Variants in RGS21 observed in about 807,000 individuals in gnomAD.
RGS21 encodes the protein regulator of G protein signaling 21.
A neutral mutation model predicts 18.7 loss-of-function variants in RGS21; 19 were observed. That is an observed-to-expected ratio of 1.01 (90% CI 0.71 to 1.49). The LOEUF is 1.49. RGS21 is among the 40% of genes most tolerant of loss of function. RGS21 has a pLI of 0.00. For missense variants in RGS21, 194 were observed against 176.8 expected (o/e 1.10, Z -0.55); for synonymous variants, 56 against 57.8 (o/e 0.97, Z 0.14).
At chr1:192,364,756 A>G (rs918837955) in intron 4 of RGS21, among the ~76,000 whole-genome samples, 1 of 152,138 alleles carries the variant, frequency 6.6e-6, no homozygotes, top group African/African-American at 2.4e-5. Context: ...TGTGGTAGGT[A>G]TTCTGCTAAG....
chr1:192,342,924 G>A (rs1658892261), intron 1 of RGS21, 53 bp from the exon 2 acceptor site: 1 of 1,011,784 alleles, frequency 9.9e-7, no homozygotes, highest in East Asian at 2.4e-5. Context: ...GTAACCCAGG[G>A]GATAGGTATT....
intron 2 of RGS21, among the ~76,000 whole-genome samples, chr1:192,347,055 C>T (rs1434672232): frequency 2.6e-5 from 4 of 152,024 alleles, no homozygotes; most frequent in Non-Finnish European, 5.9e-5. Context: ...TCTTTTATGC[C>T]TTTATTAGAA....
rs985211601 is a variant in RGS21, at chr1:192,332,295, G to A, written c.-60-10682G>A. Among the ~76,000 whole-genome samples the A allele has an allele frequency of 1.5e-4, 23 of 152,216 alleles. No homozygotes were observed. The South Asian group carries it at 4.4e-3, about 29-fold the overall frequency. On this transcript the variant is annotated intron_variant, in intron 1 of 4. Coordinates refer to ENST00000417209, the MANE Select transcript of RGS21 (RefSeq NM_001039152.3). ...AAGAAATGAGAATTATATGGGATCAGTAATCAGTAAGATTGGATAGAAAAA... is the reference window on the plus strand; with the variant it reads ...AAGAAATGAGAATTATATGGGATCAATAATCAGTAAGATTGGATAGAAAAA...
At chr1:192,320,051 A>G (rs187270424) in intron 1 of RGS21, among the ~76,000 whole-genome samples, 14 of 152,108 alleles carry the variant, frequency 9.2e-5, no homozygotes, top group Admixed American at 3.3e-4. Context: ...TCACACAGCA[A>G]TACAGATAGA....
intron 4 of RGS21, among the ~76,000 whole-genome samples, chr1:192,356,937 C>T (rs988789911): frequency 2.2e-4 from 34 of 151,658 alleles, no homozygotes; most frequent in Non-Finnish European, 4.6e-4. Flanking sequence ...TACTTGAATA[C>T]TTACTATCTG....
At chr1:192,322,680 T>G (rs937317887) in intron 1 of RGS21, among the ~76,000 whole-genome samples, 1 of 151,996 alleles carries the variant, frequency 6.6e-6, no homozygotes, top group Non-Finnish European at 1.5e-5. Flanking sequence ...AGCACACCAC[T>G]CAAACAACTC....
At chr1:192,342,872 AT>A in intron 1 of RGS21, 104 bp from the exon 2 acceptor site, 4 of 600,342 alleles carry the variant, frequency 6.7e-6, no homozygotes, top group Non-Finnish European at 1.2e-5. Context: ...AATAACAAAA[AT>A]AAAAAAGCTG....
chr1:192,318,838 T>G (rs1310808135), intron 1 of RGS21, among the ~76,000 whole-genome samples: 1 of 152,102 alleles, frequency 6.6e-6, no homozygotes, highest in East Asian at 1.9e-4. Flanking sequence ...GCTGGTAATT[T>G]TTACTTAGAT....
At chr1:192,339,683 G>A (rs12128724) in intron 1 of RGS21, among the ~76,000 whole-genome samples, 19,402 of 151,808 alleles carry the variant, frequency 0.13, 1,654 homozygotes, top group South Asian at 0.24. Flanking sequence ...TTGTTCTCTC[G>A]TGTTTGGACC....
intron 3 of RGS21, among the ~76,000 whole-genome samples, chr1:192,349,532 C>T (rs147567474): frequency 1.1e-3 from 167 of 152,278 alleles, no homozygotes; most frequent in African/African-American, 3.8e-3. Flanking sequence ...AACCAGTAAG[C>T]ATTCCATTCT....
chr1:192,364,784 A>C (rs980056505), intron 4 of RGS21, among the ~76,000 whole-genome samples: 2 of 152,218 alleles, frequency 1.3e-5, no homozygotes, highest in African/African-American at 2.4e-5. Context: ...AAATAGAATG[A>C]TGAATAAGAC....
At chr1:192,320,514 G>A (rs373858567) in intron 1 of RGS21, among the ~76,000 whole-genome samples, 6 of 145,532 alleles carry the variant, frequency 4.1e-5, no homozygotes, top group African/African-American at 1.6e-4. Flanking sequence ...GTATGTGTAT[G>A]TGTATGTGTA....
chr1:192,320,526 ATGTATGTGTATG>A lies in RGS21; in HGVS notation c.-61+3455_-61+3466del, dbSNP rs57903620. 1.1e-3 allele frequency among the ~76,000 whole-genome samples: 159 copies of A among 147,572 alleles called. 2 individuals are homozygous for A. The East Asian group carries it at 0.025, about 23-fold the overall frequency. On this transcript the variant is annotated intron_variant, in intron 1 of 4. Coordinates refer to ENST00000417209, the MANE Select transcript of RGS21 (RefSeq NM_001039152.3). Reference sequence around the variant, plus strand: ...TGTGTATGTGTATGTGTATGTGTATATGTATGTGTATGTGTATGTGTATGTGTATGTGTATGT... The same window carrying A: ...TGTGTATGTGTATGTGTATGTGTATATGTATGTGTATGTGTATGTGTATGT...
chr1:192,347,273 T>C (rs763248215), intron 2 of RGS21, 40 bp from the exon 3 acceptor site: 4 of 1,217,582 alleles, frequency 3.3e-6, no homozygotes, highest in Non-Finnish European at 4.9e-6. Context: ...TTACTATTGG[T>C]TAAAGAAGAA....
chr1:192,339,887 CT>C (rs1170760045), intron 1 of RGS21, among the ~76,000 whole-genome samples: 1 of 149,418 alleles, frequency 6.7e-6, no homozygotes, highest in Non-Finnish European at 1.5e-5. Context: ...TTCTATGATT[CT>C]GCTAAATCCC....
intron 2 of RGS21, among the ~76,000 whole-genome samples, chr1:192,344,637 C>T (rs898768895): frequency 6.6e-6 from 1 of 152,090 alleles, no homozygotes; most frequent in African/African-American, 2.4e-5. Flanking sequence ...CCAAAATTTA[C>T]AAATTTAACT....
chr1:192,318,069 T>C (rs1658444203), intron 1 of RGS21, among the ~76,000 whole-genome samples: 1 of 152,090 alleles, frequency 6.6e-6, no homozygotes, highest in African/African-American at 2.4e-5. Flanking sequence ...TTCTAAAATG[T>C]ATTATAGTCT....
At chr1:192,341,758 C>T (rs1318293160) in intron 1 of RGS21, among the ~76,000 whole-genome samples, 2 of 108,402 alleles carry the variant, frequency 1.8e-5, no homozygotes, top group East Asian at 5.0e-4. Flanking sequence ...AAAGACTTTG[C>T]ATGGTTCTTT....
chr1:192,318,639 G>A (rs1658451997), intron 1 of RGS21, among the ~76,000 whole-genome samples: 1 of 151,974 alleles, frequency 6.6e-6, no homozygotes, highest in Non-Finnish European at 1.5e-5. Flanking sequence ...TTATTGATGG[G>A]TTTTATCATT....
Sources: gnomAD v4.1 joint callset for allele counts (sites outside exome capture counted in the v4.1 genomes callset) on GRCh38, gnomAD v4.1.1 for gene constraint, MANE v1.5 for transcripts, NCBI Gene and HGNC (gene_info 2026-07-23, HGNC 2026-07-21) for gene names.